The following TMEM178B variants were observed in gnomAD, a reference collection of about 807,000 sequenced individuals.
The protein encoded by TMEM178B is transmembrane protein 178B.
TMEM178B carries 5 observed loss-of-function variants against 31.0 expected under a neutral mutation model. The ratio of observed to expected loss-of-function variants is 0.16; its 90% CI spans 0.08 to 0.34. The LOEUF is 0.34. TMEM178B is among the 10% of genes least tolerant of loss of function. The probability of loss-of-function intolerance (pLI) is 1.00; values close to 1 mark genes in which losing one functional copy is unlikely to be tolerated. For synonymous variants in TMEM178B, 164 were observed against 164.0 expected, an observed-to-expected ratio of 1.00 and a Z score of 0.00; for missense variants, 275 against 400.3, an observed-to-expected ratio of 0.69 and a Z score of 2.67.
At chr7:141,373,481 G>A (rs1055116590) in intron 2 of TMEM178B, among the ~76,000 whole-genome samples, 13 of 152,312 alleles carry the variant, frequency 8.5e-5, no homozygotes, top group East Asian at 1.9e-4. Context: ...TCTTGGGAAC[G>A]ATGCCTGGAA....
At chr7:141,349,995 C>CCATCCATCCATCCATCCATG (rs1554478744) in intron 2 of TMEM178B, among the ~76,000 whole-genome samples, 1 of 151,372 alleles carries the variant, frequency 6.6e-6, no homozygotes, top group African/African-American at 2.4e-5. Context: ...ATCCATCCAT[C>CCATCCATCCATCCATCCATG]CATGCATGCA....
chr7:141,318,890 G>T lies in TMEM178B; in HGVS notation c.496+106186G>T, dbSNP rs557547374. The stretch of plus-strand genomic sequence containing the variant: ...GATCTTTTTTTAACCATATGTGCCA[G>T]AAATGCTTACCTTGGATCCAAGCTT... On this transcript the variant is annotated intron_variant, in intron 2 of 3. Coordinates refer to ENST00000565468, the MANE Select transcript of TMEM178B (RefSeq NM_001195278.2). This position sits in a 1 kb window ranked among gnomAD's most constrained non-coding sequence, Gnocchi z 4.1. 2.0e-5 allele frequency among the ~76,000 whole-genome samples: 3 copies of T among 152,168 alleles called. No individual in the cohort carries two copies. In the East Asian group the frequency reaches 5.8e-4, roughly 29 times the overall value.
At chr7:141,496,356 G>A in the TMEM178B span, among the ~76,000 whole-genome samples, 1,314 of 152,246 alleles carry the variant, frequency 8.6e-3, 11 homozygotes, top group African/African-American at 0.03. Context: ...TCCTTGGCAT[G>A]TCTTTCTTTC....
intron 2 of TMEM178B, among the ~76,000 whole-genome samples, chr7:141,393,259 A>G (rs1386368307): frequency 6.6e-6 from 1 of 152,192 alleles, no homozygotes; most frequent in East Asian, 1.9e-4. Flanking sequence ...TAAATTCTTA[A>G]TCTGTCACTG....
At chr7:141,206,165 A>C (rs977368102) in intron 1 of TMEM178B, among the ~76,000 whole-genome samples, 14 of 152,178 alleles carry the variant, frequency 9.2e-5, no homozygotes, top group Admixed American at 9.2e-4. Context: ...TTAGTACTTG[A>C]TGTGAGTTGT....
At chr7:141,441,789 C>A (rs1424066756) in intron 3 of TMEM178B, among the ~76,000 whole-genome samples, 1 of 152,232 alleles carries the variant, frequency 6.6e-6, no homozygotes. Context: ...ATGGCCTGCG[C>A]TGGGCACTTT....
Position 141,467,355 on chromosome 7 carries a change from C to T in TMEM178B, c.635-3181C>T, listed in dbSNP as rs115580421. The stretch of plus-strand genomic sequence containing the variant: ...TACACACACACATCACACACATGCA[C>T]AAATGCATCCACACACATGCACAAA... On this transcript the variant is annotated intron_variant, in intron 3 of 3. Coordinates refer to ENST00000565468, the MANE Select transcript of TMEM178B (RefSeq NM_001195278.2). 6.0e-3 allele frequency among the ~76,000 whole-genome samples: 908 copies of T among 152,290 alleles called. 8 individuals are homozygous for T. The highest frequency in any genetic ancestry group is 0.021 in the African/African-American group (865 of 41,554).
intron 1 of TMEM178B, among the ~76,000 whole-genome samples, chr7:141,139,931 A>G (rs1039505584): frequency 3.4e-4 from 52 of 151,620 alleles, no homozygotes; most frequent in African/African-American, 1.3e-3. Context: ...ACACCCAGCT[A>G]ATTTTTGTAT....
At chr7:141,172,585 C>T (rs1796365915) in intron 1 of TMEM178B, among the ~76,000 whole-genome samples, 2 of 152,136 alleles carry the variant, frequency 1.3e-5, no homozygotes, top group Admixed American at 1.3e-4. Context: ...GGTTTCAGAG[C>T]CTCTTGAGAA....
intron 3 of TMEM178B, among the ~76,000 whole-genome samples, chr7:141,464,118 G>C (rs4726453): frequency 0.024 from 3,690 of 152,036 alleles, 84 homozygotes; most frequent in Non-Finnish European, 0.036. Context: ...TGTTGTCTGC[G>C]AGCATGCCGT....
intron 1 of TMEM178B, among the ~76,000 whole-genome samples, chr7:141,129,971 C>A (rs1008848833): frequency 6.6e-6 from 1 of 152,062 alleles, no homozygotes; most frequent in African/African-American, 2.4e-5. Flanking sequence ...ATTATGGAGA[C>A]CAAGTTTCTT....
At chr7:141,230,494 T>A (rs1797424170) in intron 2 of TMEM178B, among the ~76,000 whole-genome samples, 1 of 152,242 alleles carries the variant, frequency 6.6e-6, no homozygotes. Flanking sequence ...TTTCTTTGTC[T>A]CTACTGTCCT....
intron 2 of TMEM178B, among the ~76,000 whole-genome samples, chr7:141,370,829 C>T (rs73739819): frequency 7.5e-4 from 115 of 152,370 alleles, no homozygotes; most frequent in African/African-American, 2.5e-3. Flanking sequence ...TCCACCTAGG[C>T]AAGGACATCT....
chr7:141,097,789 C>CTTT (rs1307832280), intron 1 of TMEM178B, among the ~76,000 whole-genome samples: 14 of 136,508 alleles, frequency 1.0e-4, no homozygotes, highest in African/African-American at 3.1e-4. Flanking sequence ...CTTTTTCTTT[C>CTTT]TTTCTTTTTT....
At chr7:141,383,159 TC>T (rs1563167169) in intron 2 of TMEM178B, among the ~76,000 whole-genome samples, 4,217 of 148,132 alleles carry the variant, frequency 0.028, 180 homozygotes, top group African/African-American at 0.098. Context: ...TTTCTTTCTT[TC>T]TTTCTTTTTT....
intron 2 of TMEM178B, among the ~76,000 whole-genome samples, chr7:141,266,741 G>A (rs745597381): frequency 9.2e-5 from 14 of 152,226 alleles, no homozygotes; most frequent in Non-Finnish European, 1.9e-4. Context: ...TGAAAAGGGA[G>A]TTATTATTTA....
chr7:141,264,703 G>A (rs1188833581), intron 2 of TMEM178B, among the ~76,000 whole-genome samples: 2 of 152,180 alleles, frequency 1.3e-5, no homozygotes, highest in Non-Finnish European at 2.9e-5. Context: ...TAACCTTCAG[G>A]ACTGAGAGCT....
the TMEM178B span, among the ~76,000 whole-genome samples, chr7:141,502,724 C>T: frequency 2.0e-5 from 3 of 151,076 alleles, no homozygotes; most frequent in East Asian, 1.9e-4. Flanking sequence ...GAGCTGAGAG[C>T]GTGCCATTGC....
At chr7:141,221,076 C>A (rs1334642380) in intron 2 of TMEM178B, among the ~76,000 whole-genome samples, 1 of 152,110 alleles carries the variant, frequency 6.6e-6, no homozygotes, top group African/African-American at 2.4e-5. Context: ...CTTAAATCAG[C>A]AAGGATTCAT....
Sources: gnomAD v4.1 joint callset for allele counts (sites outside exome capture counted in the v4.1 genomes callset) on GRCh38, gnomAD v4.1.1 for gene constraint, Gnocchi (gnomAD v3.1) non-coding constraint, MANE v1.5 for transcripts, NCBI Gene and HGNC (gene_info 2026-07-23, HGNC 2026-07-21) for gene names.